The following PCDHGB1 variants were observed in gnomAD, a reference collection of about 807,000 sequenced individuals.
The protein encoded by PCDHGB1 is protocadherin gamma-B1.
PCDHGB1 carries 34 observed loss-of-function variants against 56.6 expected under a neutral mutation model. The ratio of observed to expected loss-of-function variants is 0.60; its 90% CI spans 0.46 to 0.80. The LOEUF (loss-of-function observed/expected upper bound fraction) is 0.80. PCDHGB1 is among the 30% of genes least tolerant of loss of function. The pLI is 0.00. For synonymous variants in PCDHGB1, 561 were observed against 505.9 expected (o/e 1.11, Z -1.46); for missense variants, 1,278 against 1,204.6 (o/e 1.06, Z -0.90).
intron 1 of PCDHGB1, chr5:141,361,613 C>T: frequency 6.2e-7 from 1 of 1,613,960 alleles, no homozygotes; most frequent in Non-Finnish European, 8.5e-7. Context: ...TCCATCGTAG[C>T]GAGCGACCTG....
chr5:141,386,226 C>T (rs1164415292), intron 1 of PCDHGB1, among the ~76,000 whole-genome samples: 1 of 152,142 alleles, frequency 6.6e-6, no homozygotes, highest in Non-Finnish European at 1.5e-5. Flanking sequence ...ATTAGGTCTA[C>T]TGAAAAATTC....
chr5:141,433,406 TTA>T (rs2097606059), intron 1 of PCDHGB1, among the ~76,000 whole-genome samples: 1 of 149,982 alleles, frequency 6.7e-6, no homozygotes. Flanking sequence ...TATCTATCTA[TTA>T]CTTTCTTGTA....
At chr5:141,394,549 C>T in intron 1 of PCDHGB1, 1 of 1,614,140 alleles carries the variant, frequency 6.2e-7, no homozygotes, top group Non-Finnish European at 8.5e-7. Flanking sequence ...GAGCTGGCGC[C>T]CCGCTCCGCA....
At chr5:141,467,924 G>A (rs2099154404) in intron 1 of PCDHGB1, among the ~76,000 whole-genome samples, 1 of 152,042 alleles carries the variant, frequency 6.6e-6, no homozygotes, top group Non-Finnish European at 1.5e-5. Context: ...CTCCCAAAAT[G>A]CTAGGATTAC....
At chr5:141,365,471 G>C in intron 1 of PCDHGB1, 1 of 1,614,030 alleles carries the variant, frequency 6.2e-7, no homozygotes, top group South Asian at 1.1e-5. Flanking sequence ...AGAAAATGGT[G>C]AGATTGCATG....
Position 141,494,880 on chromosome 5 carries a change from C to T in PCDHGB1, c.2468+15C>T. On this transcript the variant is annotated intron_variant, in intron 2 of 3. Transcript: ENST00000523390. ...GGCACCAGCGGGTAGGTGACTGATT[C>T]TCCAGCCCACCCTCTTCTCTGCGGC... 3 of 1,614,158 alleles carry T rather than the reference C, an allele frequency of 1.9e-6. No homozygotes were observed. Among genetic ancestry groups the T allele is most frequent in the Non-Finnish European group, 1.7e-6 (2 of 1,180,012 alleles).
intron 1 of PCDHGB1, chr5:141,376,292 G>T: frequency 6.2e-7 from 1 of 1,614,156 alleles, no homozygotes; most frequent in Non-Finnish European, 8.5e-7. Flanking sequence ...GAGCATGCCC[G>T]GCTCGCACTT....
At chr5:141,414,009 T>C in intron 1 of PCDHGB1, 1 of 1,612,964 alleles carries the variant, frequency 6.2e-7, no homozygotes, top group Middle Eastern at 1.7e-4. Context: ...AAGGTGCCAA[T>C]GGAGAAGTGA....
At chr5:141,438,834 T>A (rs915381229) in intron 1 of PCDHGB1, among the ~76,000 whole-genome samples, 5 of 150,606 alleles carry the variant, frequency 3.3e-5, no homozygotes, top group South Asian at 2.1e-4. Context: ...GCTAATTTTT[T>A]AAAATATTTT....
At chr5:141,418,065 G>T in intron 1 of PCDHGB1, 1 of 1,614,064 alleles carries the variant, frequency 6.2e-7, no homozygotes, top group East Asian at 2.2e-5. Context: ...CTGCGAGTGA[G>T]CGCGGAGAAG....
chr5:141,496,795 T>C (rs886559302), intron 2 of PCDHGB1, among the ~76,000 whole-genome samples: 27 of 151,976 alleles, frequency 1.8e-4, no homozygotes, highest in Middle Eastern at 3.4e-3. Flanking sequence ...GTGCTAAACA[T>C]TGGGCTATAG....
At position 141,489,219 on chromosome 5, in the gene PCDHGB1, T is replaced by C; in HGVS notation, c.2410-5588T>C. 1 of 1,502,828 alleles carries C rather than the reference T, an allele frequency of 6.7e-7. No homozygotes were observed. Among genetic ancestry groups the C allele is most frequent in the Non-Finnish European group, 8.9e-7 (1 of 1,117,962 alleles). 93.1% of individuals were successfully genotyped at this position (1,502,828 alleles called of 1,614,324 possible). On this transcript the variant is annotated intron_variant, in intron 1 of 3. Transcript: ENST00000523390. This position sits in a 1 kb window ranked among gnomAD's most constrained non-coding sequence, Gnocchi z 4.5. ...GAGACAGGACAGCACAGACTTACTC[T>C]CCACAAAGGGACTTCTGGGTCATGG...
chr5:141,405,494 A>G, intron 1 of PCDHGB1: 1 of 840,532 alleles, frequency 1.2e-6, no homozygotes, highest in Non-Finnish European at 1.8e-6. Context: ...ATCTCGGCTC[A>G]TTGCAACCTC....
intron 1 of PCDHGB1, among the ~76,000 whole-genome samples, chr5:141,406,775 CACTT>C (rs2094850405): frequency 6.6e-6 from 1 of 152,200 alleles, no homozygotes; most frequent in Non-Finnish European, 1.5e-5. Context: ...ATATTTCTCT[CACTT>C]ATATATTATT....
At chr5:141,454,316 A>G (rs887472165) in intron 1 of PCDHGB1, among the ~76,000 whole-genome samples, 4 of 152,188 alleles carry the variant, frequency 2.6e-5, no homozygotes, top group Non-Finnish European at 4.4e-5. Context: ...AAGCATTGAA[A>G]CCTCCAAGAA....
rs568927137 is a variant in PCDHGB1, at chr5:141,410,186, CT to C, written c.2409+57518del. On this transcript the variant is annotated intron_variant, in intron 1 of 3. Coordinates refer to ENST00000523390, the MANE Select transcript of PCDHGB1 (RefSeq NM_018922.3). ...ACTCTCTGCCACCGCCACGCTTCAT[CT>C]GGTCTTCGCAGACAACTTGCAAGAG... 1.6e-5 allele frequency: 26 copies of C among 1,613,940 alleles called. 1 individual carries two copies. In the South Asian group the frequency reaches 2.6e-4, roughly 16 times the overall value.
At chr5:141,500,355 C>G (rs539892249) in intron 2 of PCDHGB1, among the ~76,000 whole-genome samples, 2 of 151,912 alleles carry the variant, frequency 1.3e-5, no homozygotes, top group Non-Finnish European at 2.9e-5. Flanking sequence ...ACTACAGGCG[C>G]CCACTACCAC....
chr5:141,385,979 A>T (rs1561609878), intron 1 of PCDHGB1: 1 of 152,222 alleles, frequency 6.6e-6, no homozygotes, highest in South Asian at 2.1e-4. Flanking sequence ...AAAACCAATA[A>T]AATATGTCAA....
intron 1 of PCDHGB1, chr5:141,383,043 C>G: frequency 9.3e-6 from 15 of 1,613,860 alleles, no homozygotes; most frequent in Non-Finnish European, 1.3e-5. Context: ...TGGGAGACAT[C>G]GCCAAGGACC....
Sources: gnomAD v4.1 joint callset for allele counts (sites outside exome capture counted in the v4.1 genomes callset) on GRCh38, gnomAD v4.1.1 for gene constraint, Gnocchi (gnomAD v3.1) non-coding constraint, MANE v1.5 for transcripts, NCBI Gene and HGNC (gene_info 2026-07-23, HGNC 2026-07-21) for gene names.